WDR37: variants seen among roughly 807,000 people sequenced by gnomAD.
WDR37 encodes WD repeat domain 37, also known as WD repeat-containing protein 37.
A neutral mutation model predicts 62.9 loss-of-function variants in WDR37; 19 were observed. The observed-to-expected ratio is 0.30, with a 90% CI of 0.21 to 0.44. WDR37 has a LOEUF of 0.44. WDR37 is among the 20% of genes least tolerant of loss of function. The pLI, the probability that WDR37 is intolerant of heterozygous loss-of-function variation, is 1.00. For synonymous variants in WDR37, 250 were observed against 260.9 expected (o/e 0.96, Z 0.40); for missense variants, 474 against 657.6 (o/e 0.72, Z 3.05).
In WDR37 at chr10:1,072,196, C is replaced by T. The variant is rs747822059; in HGVS notation, c.41C>T (p.Thr14Ile). 1 of 1,614,122 alleles carries T rather than the reference C, an allele frequency of 6.2e-7. No homozygotes were observed. Among genetic ancestry groups the T allele is most frequent in the East Asian group, 2.2e-5 (1 of 44,882 alleles). Residue 14 changes from threonine to isoleucine, a missense_variant, in exon 2 of 14, where the codon ACA becomes ATA. Coordinates refer to ENST00000263150, the MANE Select transcript of WDR37 (RefSeq NM_014023.4). ...GCAAGTTGTTCGACTGCTCGCCAAACAAAACAGAAGCGCAAATCCCATAGC... is the reference window on the plus strand; with the variant it reads ...GCAAGTTGTTCGACTGCTCGCCAAATAAAACAGAAGCGCAAATCCCATAGC... Reference protein sequence around the residue: ...ESASCSTARQTKQKRKSHSLS... With the variant: ...ESASCSTARQIKQKRKSHSLS...
rs1409400835 is a variant in WDR37, at chr10:1,124,835, C to T, written c.1239-75C>T. On this transcript the variant is annotated intron_variant, in intron 12 of 13. Coordinates refer to ENST00000263150, the MANE Select transcript of WDR37 (RefSeq NM_014023.4). ...AATGTGAATAATATGGAACCTCCTG[C>T]TTCATTATCTGTCAACTCAAAAACT... is the stretch of plus-strand genomic sequence containing the variant. 4 of 1,554,484 alleles carry T rather than the reference C, an allele frequency of 2.6e-6. No individual in the cohort carries two copies. The East Asian group carries it at 9.3e-5, about 36-fold the overall frequency.
At chr10:1,063,076 A>G (rs1222998333) in intron 1 of WDR37, among the ~76,000 whole-genome samples, 2 of 148,276 alleles carry the variant, frequency 1.3e-5, no homozygotes, top group South Asian at 2.1e-4. Flanking sequence ...ACAGAGCGAC[A>G]CTCTGTTAAA....
intron 1 of WDR37, among the ~76,000 whole-genome samples, chr10:1,069,389 A>ATATATTTTTTTTTTT: frequency 1.0e-5 from 1 of 95,806 alleles, no homozygotes; most frequent in African/African-American, 4.7e-5. Flanking sequence ...ATATATATAT[A>ATATATTTTTTTTTTT]TTTTTTTTTT....
chr10:1,128,982 C>G (rs1478448056), intron 13 of WDR37, among the ~76,000 whole-genome samples: 1 of 145,194 alleles, frequency 6.9e-6, no homozygotes, highest in Non-Finnish European at 1.5e-5. Context: ...AGTCCATGAT[C>G]TGTGGCCCAT....
At position 1,103,937 on chromosome 10, in the gene WDR37, T is replaced by G; in HGVS notation, c.961+101T>G. 1 of 1,173,146 alleles carries G rather than the reference T, an allele frequency of 8.5e-7. No homozygotes were observed. The highest frequency in any genetic ancestry group is 2.3e-5 in the Admixed American group (1 of 43,878). The allele number at this position is 1,173,146 out of a possible 1,614,324, so 72.7% of individuals were successfully genotyped here. A position where few individuals can be genotyped will look rare whatever the true frequency, so the allele number is the denominator to read the frequency against. ...CCACTTACTTCTTGACCAGAATGAG[T>G]CTCTGTGTTCTTGGCTCTTCTGTGG... is the stretch of plus-strand genomic sequence containing the variant. On this transcript the variant is annotated intron_variant, in intron 10 of 13. Coordinates refer to ENST00000263150, the MANE Select transcript of WDR37 (RefSeq NM_014023.4). This position sits in a 1 kb window ranked among gnomAD's most constrained non-coding sequence, Gnocchi z 6.3.
intron 1 of WDR37, among the ~76,000 whole-genome samples, chr10:1,059,317 G>A (rs375096502): frequency 1.3e-5 from 2 of 152,126 alleles, no homozygotes; most frequent in East Asian, 1.9e-4. Flanking sequence ...CAGAAGTTGC[G>A]GTTAGCCGAG....
intron 13 of WDR37, among the ~76,000 whole-genome samples, chr10:1,127,656 G>C (rs1254517712): frequency 2.6e-5 from 4 of 152,234 alleles, no homozygotes; most frequent in Admixed American, 1.3e-4. Flanking sequence ...CCGGGGTCAG[G>C]GTTCCTGTGA....
In WDR37 at chr10:1,121,589, T is replaced by C. The variant is rs771409039; in HGVS notation, c.1104-2629T>C. ...CCAGGCTGGGCGTTTGCTTGTGTCC[T>C]GCCCCGTGTGATGCCGTGGTTTCCA... On this transcript the variant is annotated intron_variant, in intron 11 of 13. Coordinates refer to ENST00000263150, the MANE Select transcript of WDR37 (RefSeq NM_014023.4). This position sits in a 1 kb window ranked among gnomAD's most constrained non-coding sequence, Gnocchi z 4.5. Among the ~76,000 whole-genome samples the C allele has an allele frequency of 1.8e-4, 28 of 152,224 alleles. No homozygotes were observed. The highest frequency in any genetic ancestry group is 4.0e-4 in the Non-Finnish European group (27 of 68,048).
intron 11 of WDR37, among the ~76,000 whole-genome samples, chr10:1,108,407 T>C (rs1255350050): frequency 6.6e-6 from 1 of 152,228 alleles, no homozygotes; most frequent in East Asian, 1.9e-4. Flanking sequence ...TTCTTATGAC[T>C]TCCTTTAAGT....
intron 11 of WDR37, among the ~76,000 whole-genome samples, chr10:1,116,977 C>T (rs764508378): frequency 6.6e-6 from 1 of 152,060 alleles, no homozygotes; most frequent in Non-Finnish European, 1.5e-5. Context: ...GTTCCATCCT[C>T]CTCTCTCAGT....
At chr10:1,091,164 C>G (rs1028483529) in intron 7 of WDR37, among the ~76,000 whole-genome samples, 2 of 152,218 alleles carry the variant, frequency 1.3e-5, no homozygotes, top group Non-Finnish European at 2.9e-5. Flanking sequence ...CTGCCCTACC[C>G]CTCCTTCTGT....
At chr10:1,086,396 T>C in intron 7 of WDR37, 39 bp downstream of exon 7, 9 of 1,542,816 alleles carry the variant, frequency 5.8e-6, no homozygotes, top group Non-Finnish European at 7.2e-6. Flanking sequence ...CAGAGGCCGT[T>C]GCCTTCTCCA....
At chr10:1,066,050 A>T (rs753220040) in intron 1 of WDR37, among the ~76,000 whole-genome samples, 7 of 152,246 alleles carry the variant, frequency 4.6e-5, no homozygotes, top group Non-Finnish European at 8.8e-5. Flanking sequence ...ATAAAAGTAC[A>T]GTATCATTTA....
In WDR37 at chr10:1,093,435, A is replaced by C; in HGVS notation, c.605-17A>C. 6.2e-7 allele frequency: 1 copy of C among 1,601,108 alleles called. No homozygotes were observed. The highest frequency in any genetic ancestry group is 8.5e-7 in the Non-Finnish European group (1 of 1,172,394). On this transcript the variant is annotated splice_polypyrimidine_tract_variant and intron_variant, in intron 7 of 13. Transcript: ENST00000263150. ...TTGTCACTTTAAACCTGTTTTTATC[A>C]TATTTTTATTTTGCAGTAAATTCTA... is the stretch of plus-strand genomic sequence containing the variant.
intron 11 of WDR37, among the ~76,000 whole-genome samples, chr10:1,111,913 T>C (rs531851258): frequency 6.6e-6 from 1 of 152,172 alleles, no homozygotes; most frequent in Admixed American, 6.5e-5. Context: ...CTCTTTTTTT[T>C]TTTTGTGAGA....
chr10:1,090,578 T>C (rs1834351327), intron 7 of WDR37, among the ~76,000 whole-genome samples: 2 of 152,082 alleles, frequency 1.3e-5, no homozygotes, highest in African/African-American at 4.8e-5. Flanking sequence ...TCTGCCTCTT[T>C]CCTCTTGGGT....
At chr10:1,101,879 T>C (rs1034536045) in intron 9 of WDR37, among the ~76,000 whole-genome samples, 16 of 152,134 alleles carry the variant, frequency 1.1e-4, no homozygotes, top group African/African-American at 3.4e-4. Context: ...AGCTGCCCCT[T>C]GTCCTGTTTT....
chr10:1,079,968 A>G (rs1833981439), intron 3 of WDR37, 43 bp from the exon 4 acceptor site: 1 of 1,583,474 alleles, frequency 6.3e-7, no homozygotes, highest in Non-Finnish European at 8.6e-7. Flanking sequence ...ACACTTAAAC[A>G]TAAAAACATA....
At chr10:1,114,777 G>A (rs1835335602) in intron 11 of WDR37, among the ~76,000 whole-genome samples, 1 of 152,200 alleles carries the variant, frequency 6.6e-6, no homozygotes, top group South Asian at 2.1e-4. Context: ...TTTTTCACCC[G>A]GCAGTGTAAT....
Sources: allele counts gnomAD v4.1 joint callset (sites outside exome capture counted in the v4.1 genomes callset), GRCh38; gene constraint gnomAD v4.1.1; non-coding constraint Gnocchi (gnomAD v3.1); transcripts MANE v1.5; gene names NCBI Gene and HGNC (gene_info 2026-07-23, HGNC 2026-07-21).